Variants in STXBP5L observed in about 807,000 individuals in gnomAD.
STXBP5L encodes syntaxin binding protein 5L.
A neutral mutation model predicts 144.5 loss-of-function variants in STXBP5L; 65 were observed. The ratio of observed to expected loss-of-function variants is 0.45; its 90% CI spans 0.37 to 0.55. The LOEUF (loss-of-function observed/expected upper bound fraction) is 0.55. STXBP5L is among the 20% of genes least tolerant of loss of function. The pLI is 0.00. For missense variants in STXBP5L, 1,298 were observed against 1,405.5 expected, an observed-to-expected ratio of 0.92 and a Z score of 1.22; for synonymous variants, 505 against 469.6, an observed-to-expected ratio of 1.08 and a Z score of -0.97.
chr3:121,351,098 C>G (rs201947977), intron 20 of STXBP5L, among the ~76,000 whole-genome samples: 1 of 151,980 alleles, frequency 6.6e-6, no homozygotes, highest in Non-Finnish European at 1.5e-5. Flanking sequence ...TTTTATCAAC[C>G]TTTGGTCTTT....
At chr3:121,370,233 TGGCAGGCA>T (rs2045991223) in intron 20 of STXBP5L, among the ~76,000 whole-genome samples, 2 of 152,102 alleles carry the variant, frequency 1.3e-5, no homozygotes, top group Non-Finnish European at 2.9e-5. Flanking sequence ...CCAGGCATGA[TGGCAGGCA>T]CCTGTAATCC....
chr3:121,331,334 A>T (rs1403754255), intron 20 of STXBP5L, among the ~76,000 whole-genome samples: 1 of 152,188 alleles, frequency 6.6e-6, no homozygotes, highest in Non-Finnish European at 1.5e-5. Context: ...CTGCAGACAC[A>T]GTTGAGGCTT....
At chr3:121,358,844 G>A (rs2045614021) in intron 20 of STXBP5L, among the ~76,000 whole-genome samples, 1 of 152,140 alleles carries the variant, frequency 6.6e-6, no homozygotes, top group Non-Finnish European at 1.5e-5. Flanking sequence ...TGATTGAATA[G>A]TACTCCATTG....
intron 1 of STXBP5L, chr3:120,909,308 C>T: frequency 2.8e-6 from 1 of 351,460 alleles, no homozygotes. Context: ...GCTGGGGATA[C>T]AGTCCTTGAA....
At chr3:121,182,200 A>G (rs1367614516) in intron 9 of STXBP5L, among the ~76,000 whole-genome samples, 1 of 152,172 alleles carries the variant, frequency 6.6e-6, no homozygotes, top group Non-Finnish European at 1.5e-5. Context: ...AGAACATTCA[A>G]CCCAAGTGCA....
At chr3:121,014,313 C>T (rs1944988847) in intron 3 of STXBP5L, among the ~76,000 whole-genome samples, 1 of 151,696 alleles carries the variant, frequency 6.6e-6, no homozygotes, top group Non-Finnish European at 1.5e-5. Context: ...CAATATCTAC[C>T]TCTTACATCA....
intron 23 of STXBP5L, among the ~76,000 whole-genome samples, chr3:121,411,883 G>A (rs1210530710): frequency 2.0e-5 from 3 of 152,162 alleles, no homozygotes; most frequent in African/African-American, 7.2e-5. Context: ...TATGCAGTCA[G>A]ACACTTTCTA....
At chr3:121,089,228 T>G (rs2042655477) in intron 5 of STXBP5L, among the ~76,000 whole-genome samples, 1 of 151,668 alleles carries the variant, frequency 6.6e-6, no homozygotes, top group Non-Finnish European at 1.5e-5. Flanking sequence ...TTTTAAAAGT[T>G]TCTTCTATTA....
At chr3:120,964,720 TGTG>T (rs1295111531) in intron 3 of STXBP5L, among the ~76,000 whole-genome samples, 1 of 152,186 alleles carries the variant, frequency 6.6e-6, no homozygotes, top group Non-Finnish European at 1.5e-5. Context: ...ACAAGTGTGA[TGTG>T]GTGCTGAAAA....
chr3:121,259,198 A>G, intron 18 of STXBP5L, 30 bp downstream of exon 18: 2 of 1,466,352 alleles, frequency 1.4e-6, no homozygotes, highest in Non-Finnish European at 1.8e-6. Context: ...TATGATATGT[A>G]TTATTTAGCT....
chr3:120,953,889 T>A (rs1937726806), intron 2 of STXBP5L, among the ~76,000 whole-genome samples: 3 of 152,172 alleles, frequency 2.0e-5, no homozygotes, highest in African/African-American at 7.2e-5. Context: ...GTTTGATTCC[T>A]AACCTTAGAA....
At chr3:121,190,265 G>C (rs1048850165) in intron 9 of STXBP5L, among the ~76,000 whole-genome samples, 1 of 152,106 alleles carries the variant, frequency 6.6e-6, no homozygotes. Context: ...GACTCTTAGC[G>C]AGCACGCTGC....
chr3:121,321,728 A>G (rs1306033515), intron 20 of STXBP5L, among the ~76,000 whole-genome samples: 1 of 152,084 alleles, frequency 6.6e-6, no homozygotes, highest in Non-Finnish European at 1.5e-5. Context: ...CTCAGCTCTC[A>G]CCCCTTTAAA....
chr3:121,357,920 T>C (rs910795669), intron 20 of STXBP5L: 1 of 152,226 alleles, frequency 6.6e-6, no homozygotes, highest in African/African-American at 2.4e-5. Flanking sequence ...TACCTATTTA[T>C]GAAGTGGAAA....
intron 2 of STXBP5L, among the ~76,000 whole-genome samples, chr3:120,940,251 A>G (rs1710497110): frequency 6.6e-6 from 1 of 152,068 alleles, no homozygotes; most frequent in Non-Finnish European, 1.5e-5. Flanking sequence ...TACATGTTAA[A>G]TACTCTGGGG....
intron 11 of STXBP5L, among the ~76,000 whole-genome samples, chr3:121,231,100 G>A (rs2049293474): frequency 6.6e-6 from 1 of 152,136 alleles, no homozygotes; most frequent in Non-Finnish European, 1.5e-5. Context: ...GATGATTAGG[G>A]CACTCCCATT....
intron 22 of STXBP5L, among the ~76,000 whole-genome samples, chr3:121,386,019 T>C (rs2108690545): frequency 6.6e-6 from 1 of 152,308 alleles, no homozygotes; most frequent in Non-Finnish European, 1.5e-5. Flanking sequence ...TATTATTTAG[T>C]TAAGGTCTTT....
chr3:121,267,380 C>G (rs947402583), intron 18 of STXBP5L, among the ~76,000 whole-genome samples: 1 of 152,070 alleles, frequency 6.6e-6, no homozygotes, highest in African/African-American at 2.4e-5. Context: ...GAAATTAGAC[C>G]CTTTCCTTAG....
rs536144539 is a variant in STXBP5L, at chr3:121,025,998, A to G, written c.288-15702A>G. ...TGTTAATAATATATTAGTATTATCA[A>G]TATATTATATATAAATATATTTATA... is the stretch of plus-strand genomic sequence containing the variant. On this transcript the variant is annotated intron_variant, in intron 3 of 26. Coordinates refer to ENST00000471454, the MANE Select transcript of STXBP5L (RefSeq NM_001308330.2). Among the ~76,000 whole-genome samples the G allele has an allele frequency of 6.9e-5, 10 of 145,256 alleles. No homozygotes were observed. The South Asian group carries it at 1.5e-3, about 21-fold the overall frequency.
Sources: allele counts gnomAD v4.1 joint callset (sites outside exome capture counted in the v4.1 genomes callset), GRCh38; gene constraint gnomAD v4.1.1; transcripts MANE v1.5; gene names NCBI Gene and HGNC (gene_info 2026-07-23, HGNC 2026-07-21).